IKZF2: variants seen among roughly 807,000 people sequenced by gnomAD.
IKZF2 encodes the protein IKAROS family zinc finger 2, also known as zinc finger protein Helios.
A neutral mutation model predicts 49.2 loss-of-function variants in IKZF2; 15 were observed. The observed-to-expected ratio is 0.30, with a 90% CI of 0.20 to 0.47. The LOEUF (loss-of-function observed/expected upper bound fraction) is 0.47. Ranked by LOEUF, IKZF2 falls within the 20% of genes least tolerant of loss-of-function variation. The pLI is 1.00. For missense variants in IKZF2, 567 were observed against 664.6 expected, an observed-to-expected ratio of 0.85 and a Z score of 1.61; for synonymous variants, 227 against 221.4, an observed-to-expected ratio of 1.03 and a Z score of -0.23.
At chr2:213,008,951 C>T (rs1695646311) in intron 8 of IKZF2, among the ~76,000 whole-genome samples, 1 of 151,802 alleles carries the variant, frequency 6.6e-6, no homozygotes, top group Non-Finnish European at 1.5e-5. Context: ...AGTAGTACCA[C>T]CTAATAAAAA....
At chr2:213,039,722 A>G (rs1699424324) in intron 6 of IKZF2, among the ~76,000 whole-genome samples, 1 of 152,130 alleles carries the variant, frequency 6.6e-6, no homozygotes, top group Admixed American at 6.5e-5. Context: ...TTTTTAAGTG[A>G]TATACACAAA....
chr2:213,049,622 C>A (rs1462315795), intron 6 of IKZF2, 91 bp downstream of exon 6: 2 of 955,278 alleles, frequency 2.1e-6, no homozygotes, highest in Non-Finnish European at 3.0e-6. Context: ...TCATTACCGA[C>A]TACATAACAA....
intron 4 of IKZF2, among the ~76,000 whole-genome samples, chr2:213,067,619 A>G (rs1184927068): frequency 1.3e-5 from 2 of 152,144 alleles, no homozygotes; most frequent in African/African-American, 4.8e-5. Flanking sequence ...TAATAGGACA[A>G]CCAAGTATGA....
At chr2:213,022,243 A>T in intron 6 of IKZF2, 113 bp from the exon 7 acceptor site, 1 of 997,522 alleles carries the variant, frequency 1.0e-6, no homozygotes, top group East Asian at 2.8e-5. Flanking sequence ...TTCAGACTTA[A>T]ATCTCTTCCT....
intron 4 of IKZF2, among the ~76,000 whole-genome samples, chr2:213,119,173 A>G (rs960944621): frequency 6.6e-6 from 1 of 152,212 alleles, no homozygotes; most frequent in African/African-American, 2.4e-5. Flanking sequence ...GTGAAGCAAC[A>G]AGCAAGTACC....
intron 4 of IKZF2, among the ~76,000 whole-genome samples, chr2:213,120,508 T>C (rs950666099): frequency 7.9e-5 from 12 of 152,162 alleles, no homozygotes; most frequent in Non-Finnish European, 1.6e-4. Flanking sequence ...TTTCAGGAGA[T>C]GAAGACAAAA....
intron 4 of IKZF2, among the ~76,000 whole-genome samples, chr2:213,082,131 CAG>C (rs1704018962): frequency 6.6e-6 from 1 of 152,138 alleles, no homozygotes; most frequent in African/African-American, 2.4e-5. Flanking sequence ...ACATGTCAAA[CAG>C]AAATTTTTCT....
chr2:213,103,926 GA>G (rs751163310), intron 4 of IKZF2, among the ~76,000 whole-genome samples: 97 of 152,168 alleles, frequency 6.4e-4, no homozygotes, highest in Non-Finnish European at 1.2e-3. Context: ...GAAATGTATT[GA>G]ATAAAAGTGA....
chr2:213,087,033 C>A (rs1458890468), intron 4 of IKZF2, among the ~76,000 whole-genome samples: 1 of 152,064 alleles, frequency 6.6e-6, no homozygotes, highest in African/African-American at 2.4e-5. Context: ...TATATTTACT[C>A]TATTCTGAAT....
chr2:213,062,231 A>G (rs1478409641), intron 4 of IKZF2, among the ~76,000 whole-genome samples: 1 of 151,706 alleles, frequency 6.6e-6, no homozygotes, highest in Non-Finnish European at 1.5e-5. Context: ...ATATCAATTT[A>G]AGACATTTTT....
chr2:213,102,291 C>CCCAA (rs1160746703), intron 4 of IKZF2, among the ~76,000 whole-genome samples: 10 of 152,018 alleles, frequency 6.6e-5, no homozygotes, highest in African/African-American at 2.2e-4. Flanking sequence ...TATCTGTTTG[C>CCCAA]CCAACTTTTA....
intron 4 of IKZF2, among the ~76,000 whole-genome samples, chr2:213,115,043 C>T (rs531642344): frequency 2.6e-5 from 4 of 152,156 alleles, no homozygotes; most frequent in East Asian, 3.9e-4. Flanking sequence ...TCAAAGAAGG[C>T]GGAATCACAG....
intron 4 of IKZF2, among the ~76,000 whole-genome samples, chr2:213,078,354 G>T (rs1703514936): frequency 6.6e-6 from 1 of 151,972 alleles, no homozygotes; most frequent in Non-Finnish European, 1.5e-5. Context: ...ATTCTTTCCA[G>T]AAACAAAATC....
chr2:213,053,024 TG>T (rs1226991830), intron 5 of IKZF2, among the ~76,000 whole-genome samples: 1 of 152,156 alleles, frequency 6.6e-6, no homozygotes, highest in African/African-American at 2.4e-5. Flanking sequence ...GTGCCCTTTT[TG>T]AGTCAGTTTA....
intron 4 of IKZF2, among the ~76,000 whole-genome samples, chr2:213,086,726 C>A (rs1704652944): frequency 6.6e-6 from 1 of 151,966 alleles, no homozygotes; most frequent in African/African-American, 2.4e-5. Flanking sequence ...TGTGCTCAAG[C>A]AAAGAATTTT....
intron 7 of IKZF2, among the ~76,000 whole-genome samples, chr2:213,018,567 A>C (rs1696862394): frequency 6.6e-6 from 1 of 152,110 alleles, no homozygotes; most frequent in Admixed American, 6.6e-5. Context: ...TCCTCATTGG[A>C]GACATTTTTC....
chr2:213,096,112 C>T (rs1415881765), intron 4 of IKZF2, among the ~76,000 whole-genome samples: 3 of 151,752 alleles, frequency 2.0e-5, no homozygotes, highest in African/African-American at 7.3e-5. Flanking sequence ...AAAATAGCAC[C>T]CATTCACTAA....
chr2:213,146,362 T>G (rs375160622), intron 4 of IKZF2, among the ~76,000 whole-genome samples: 1 of 152,086 alleles, frequency 6.6e-6, no homozygotes, highest in Admixed American at 6.6e-5. Context: ...TTAGTATACA[T>G]TCACCTGCTA....
intron 4 of IKZF2, among the ~76,000 whole-genome samples, chr2:213,107,440 A>G (rs2059570584): frequency 6.6e-6 from 1 of 152,196 alleles, no homozygotes; most frequent in Non-Finnish European, 1.5e-5. Flanking sequence ...ACATACACGC[A>G]CTTTCCATTA....
Sources: gnomAD v4.1 joint callset for allele counts (sites outside exome capture counted in the v4.1 genomes callset) on GRCh38, gnomAD v4.1.1 for gene constraint, MANE v1.5 for transcripts, NCBI Gene and HGNC (gene_info 2026-07-23, HGNC 2026-07-21) for gene names.